The following SEPTIN11 variants were observed in gnomAD, a reference collection of about 807,000 sequenced individuals.
The protein encoded by SEPTIN11 is septin-11.
In SEPTIN11, 25 loss-of-function variants were observed where a neutral mutation model predicts 51.4. That is an observed-to-expected ratio of 0.49 (90% CI 0.35 to 0.68). SEPTIN11 has a LOEUF of 0.68. Ranked by LOEUF, SEPTIN11 falls within the 30% of genes least tolerant of loss-of-function variation. The pLI is 0.00. For synonymous variants in SEPTIN11, 174 were observed against 184.1 expected (o/e 0.95, Z 0.44); for missense variants, 381 against 520.8 (o/e 0.73, Z 2.61).
chr4:76,974,436 G>A lies in SEPTIN11; in HGVS notation c.28-21989G>A, dbSNP rs967572385. On this transcript the variant is annotated intron_variant, in intron 1 of 9. Transcript: ENST00000264893. ...TTCATAGAGTGTTAGAGCAGGAAGG[G>A]CTCACAAAGAAACAATCTCATCTAG... 1.6e-5 allele frequency: 3 copies of A among 182,948 alleles called. No homozygotes were observed. In the South Asian group the frequency reaches 3.3e-4, roughly 20 times the overall value. The allele number at this position is 182,948 out of a possible 1,614,324, so 11.3% of individuals were successfully genotyped here. A position where few individuals can be genotyped will look rare whatever the true frequency, so the allele number is the denominator to read the frequency against.
intron 4 of SEPTIN11, among the ~76,000 whole-genome samples, chr4:77,012,424 A>G (rs1175725310): frequency 1.3e-5 from 2 of 152,188 alleles, no homozygotes; most frequent in Non-Finnish European, 2.9e-5. Context: ...CTTTTTCACA[A>G]CACATGAAGG....
At chr4:76,956,007 T>C (rs1431051859) in intron 1 of SEPTIN11, among the ~76,000 whole-genome samples, 3 of 152,156 alleles carry the variant, frequency 2.0e-5, no homozygotes, top group Non-Finnish European at 2.9e-5. Context: ...TAAAAACTCA[T>C]TGGATTTTAT....
At chr4:77,017,841 C>G (rs1253083723) in intron 5 of SEPTIN11, among the ~76,000 whole-genome samples, 2 of 152,204 alleles carry the variant, frequency 1.3e-5, no homozygotes, top group Non-Finnish European at 2.9e-5. Context: ...GCAGTGATAA[C>G]TACCAAATAA....
In SEPTIN11 at chr4:77,015,005, C is replaced by T. The variant is rs148769657; in HGVS notation, c.675C>T (p.Asn225=). The T allele has an allele frequency of 9.9e-5, 159 of 1,613,230 alleles. No homozygotes were observed. Among genetic ancestry groups the T allele is most frequent in the Non-Finnish European group, 1.2e-4 (143 of 1,179,792 alleles). ...PTDEETVAEI[N]ATMSVHLPFA... ...ATGAAGAAACGGTGGCAGAGATTAA[C>T]GCAACAATGAGTGTAAGTCCTCAAG... is the stretch of plus-strand genomic sequence containing the variant. The change falls in exon 5 of 10, where the codon AAC becomes AAT. Residue 225 remains asparagine (N), a synonymous_variant. Transcript: ENST00000264893.
chr4:76,957,021 AG>A (rs1161230649), intron 1 of SEPTIN11, among the ~76,000 whole-genome samples: 1 of 141,562 alleles, frequency 7.1e-6, no homozygotes, highest in African/African-American at 2.6e-5. Context: ...AGACAGAGAC[AG>A]AGAGAGATAA....
chr4:77,001,703 T>C (rs1724134744), intron 2 of SEPTIN11, among the ~76,000 whole-genome samples: 1 of 152,064 alleles, frequency 6.6e-6, no homozygotes, highest in Non-Finnish European at 1.5e-5. Flanking sequence ...TGCTAGGGAG[T>C]TTTGAAATAC....
downstream of SEPTIN11, chr4:77,039,556 G>C (rs1727248487): frequency 1.0e-6 from 1 of 985,098 alleles, no homozygotes; most frequent in African/African-American, 1.7e-5. Flanking sequence ...TGAACAGCCT[G>C]ATCAGGATCC....
intron 1 of SEPTIN11, among the ~76,000 whole-genome samples, chr4:76,965,640 C>T (rs1722007938): frequency 1.3e-5 from 2 of 151,902 alleles, no homozygotes; most frequent in Admixed American, 1.3e-4. Flanking sequence ...ACATTTTAGT[C>T]ATATGAACAG....
chr4:77,020,412 G>A (rs1725617961), intron 6 of SEPTIN11, 90 bp from the exon 7 acceptor site: 1 of 1,469,958 alleles, frequency 6.8e-7, no homozygotes, highest in Admixed American at 1.8e-5. Flanking sequence ...TTTCAGGAGT[G>A]ATGGTAATAA....
At chr4:76,988,131 TATTAA>T (rs1458898779) in intron 1 of SEPTIN11, among the ~76,000 whole-genome samples, 1 of 152,238 alleles carries the variant, frequency 6.6e-6, no homozygotes, top group Non-Finnish European at 1.5e-5. Flanking sequence ...AGGGGCCGCC[TATTAA>T]ATTAATATTC....
chr4:76,985,144 G>A (rs905152986), intron 1 of SEPTIN11: 3 of 152,154 alleles, frequency 2.0e-5, no homozygotes, highest in East Asian at 1.9e-4. Flanking sequence ...TGTAATGTTC[G>A]GCTGTTACAG....
intron 1 of SEPTIN11, among the ~76,000 whole-genome samples, chr4:76,985,899 A>G (rs1408552327): frequency 6.6e-6 from 1 of 152,222 alleles, no homozygotes; most frequent in African/African-American, 2.4e-5. Flanking sequence ...TAAGAGAAAT[A>G]TCAAAGTTAG....
Position 77,038,148 on chromosome 4 carries a change from C to G in SEPTIN11, c.*3636C>G, listed in dbSNP as rs1438945587. 2.0e-6 allele frequency: 2 copies of G among 985,760 alleles called. No homozygotes were observed. Among genetic ancestry groups the G allele is most frequent in the African/African-American group, 3.5e-5 (2 of 57,236 alleles). 61.1% of individuals were successfully genotyped at this position (985,760 alleles called of 1,614,324 possible). ...CTTCGAAAAGTCCTGGTTCCACTGA[C>G]AGGACACATTCTTTAGTGGGAATTA... On this transcript the variant is annotated 3_prime_UTR_variant, in exon 10 of 10. Transcript: ENST00000264893.
intron 7 of SEPTIN11, among the ~76,000 whole-genome samples, chr4:77,026,171 T>C (rs1182895930): frequency 6.6e-6 from 1 of 152,204 alleles, no homozygotes; most frequent in African/African-American, 2.4e-5. Flanking sequence ...TTTAGTGAGT[T>C]CTCAGCATTT....
chr4:77,032,485 G>A (rs1726724416), intron 9 of SEPTIN11, among the ~76,000 whole-genome samples: 1 of 152,190 alleles, frequency 6.6e-6, no homozygotes, highest in Non-Finnish European at 1.5e-5. Flanking sequence ...CTCTTCCAGT[G>A]AAGACAGATG....
intron 1 of SEPTIN11, among the ~76,000 whole-genome samples, chr4:76,979,728 T>C (rs1412368701): frequency 6.6e-6 from 1 of 151,340 alleles, no homozygotes; most frequent in Non-Finnish European, 1.5e-5. Context: ...TACTAAAAAA[T>C]ACAAAAATTA....
chr4:77,027,711 GAA>G (rs1234256524), intron 7 of SEPTIN11, among the ~76,000 whole-genome samples: 2 of 152,142 alleles, frequency 1.3e-5, no homozygotes, highest in African/African-American at 4.8e-5. Context: ...GACAAAGAGA[GAA>G]ATAGCACTTT....
At chr4:77,007,604 C>CCTTAAGAGGG (rs1200984868) in intron 3 of SEPTIN11, among the ~76,000 whole-genome samples, 2 of 152,150 alleles carry the variant, frequency 1.3e-5, no homozygotes, top group African/African-American at 2.4e-5. Context: ...CTGGAGCCCT[C>CCTTAAGAGGG]CTTAAGAAAT....
chr4:76,960,535 G>A (rs1292693520), intron 1 of SEPTIN11, among the ~76,000 whole-genome samples: 1 of 152,180 alleles, frequency 6.6e-6, no homozygotes, highest in African/African-American at 2.4e-5. Flanking sequence ...TAAGCTATGT[G>A]AAGAGGACCA....
Sources: gnomAD v4.1 joint callset for allele counts (sites outside exome capture counted in the v4.1 genomes callset) on GRCh38, gnomAD v4.1.1 for gene constraint, MANE v1.5 for transcripts, NCBI Gene and HGNC (gene_info 2026-07-23, HGNC 2026-07-21) for gene names.